Variants in TMIGD3 observed in about 807,000 individuals in gnomAD.
TMIGD3 encodes the protein transmembrane and immunoglobulin domain containing 3.
Under a neutral mutation model 28.1 loss-of-function variants are expected in TMIGD3, and 21 were observed. The observed-to-expected ratio is 0.75, with a 90% confidence interval of 0.53 to 1.08. TMIGD3 has a LOEUF of 1.08. TMIGD3 is among the 50% of genes least tolerant of loss of function. TMIGD3 has a pLI of 0.00. For missense variants in TMIGD3, 416 were observed against 435.6 expected (o/e 0.96, Z 0.40); for synonymous variants, 151 against 162.1 (o/e 0.93, Z 0.52).
At chr1:111,515,482 T>G (rs762835225) in intron 1 of TMIGD3, among the ~76,000 whole-genome samples, 8 of 152,128 alleles carry the variant, frequency 5.3e-5, no homozygotes, top group Non-Finnish European at 7.4e-5. Context: ...CCGATGGGAG[T>G]TGGGGACGCT....
chr1:111,500,805 A>C, intron 1 of TMIGD3: 1 of 550,038 alleles, frequency 1.8e-6, no homozygotes, highest in Non-Finnish European at 3.2e-6. Context: ...GACTTTTCTA[A>C]AGAAGAAAAC....
At chr1:111,504,549 G>A (rs1655408900), upstream of TMIGD3, among the ~76,000 whole-genome samples, 1 of 152,198 alleles carries the variant, frequency 6.6e-6, no homozygotes. Flanking sequence ...CATCCAAAGG[G>A]ATTATTTTAA....
At chr1:111,560,337 C>T (rs996908902) in intron 1 of TMIGD3, among the ~76,000 whole-genome samples, 1 of 151,870 alleles carries the variant, frequency 6.6e-6, no homozygotes, top group Non-Finnish European at 1.5e-5. Context: ...GTCCTGGTCT[C>T]ATTTATTGTT....
At chr1:111,485,580 A>G (rs1654322919) in intron 5 of TMIGD3, 160 bp downstream of exon 5, 1 of 580,422 alleles carries the variant, frequency 1.7e-6, no homozygotes, top group African/African-American at 1.9e-5. Context: ...CCTTGTCACC[A>G]TCAAGCAGAT....
At chr1:111,484,093 C>T (rs1245748516) in intron 5 of TMIGD3, among the ~76,000 whole-genome samples, 1 of 152,220 alleles carries the variant, frequency 6.6e-6, no homozygotes, top group African/African-American at 2.4e-5. Flanking sequence ...ACAGGCTGTA[C>T]AACTTCTTGC....
intron 1 of TMIGD3, among the ~76,000 whole-genome samples, chr1:111,517,300 C>T (rs1655902207): frequency 6.6e-6 from 1 of 151,586 alleles, no homozygotes; most frequent in Non-Finnish European, 1.5e-5. Context: ...TATGGCAATA[C>T]AGGGTGACTT....
intron 1 of TMIGD3, among the ~76,000 whole-genome samples, chr1:111,554,480 C>G (rs892615974): frequency 2.0e-5 from 3 of 152,206 alleles, no homozygotes; most frequent in African/African-American, 7.2e-5. Context: ...CACAGTAATC[C>G]AGAGCATTTG....
intron 5 of TMIGD3, among the ~76,000 whole-genome samples, chr1:111,484,854 A>G (rs781464033): frequency 1.3e-5 from 2 of 152,204 alleles, no homozygotes; most frequent in African/African-American, 2.4e-5. Context: ...GTGATTTCTG[A>G]GCATAAAAAG....
intron 1 of TMIGD3, among the ~76,000 whole-genome samples, chr1:111,534,965 A>G (rs1040454354): frequency 1.3e-5 from 2 of 152,204 alleles, no homozygotes; most frequent in Admixed American, 1.3e-4. Context: ...AAAGAGACAC[A>G]AAAGTTAGGG....
intron 1 of TMIGD3, among the ~76,000 whole-genome samples, chr1:111,545,848 G>A (rs1657015360): frequency 6.6e-6 from 1 of 152,072 alleles, no homozygotes; most frequent in Non-Finnish European, 1.5e-5. Flanking sequence ...TAGATATTCA[G>A]TTGTCCCAGC....
At chr1:111,563,936 G>T (rs746357986) in exon 1 of TMIGD3, 3 of 1,613,470 alleles carry the variant, frequency 1.9e-6, no homozygotes, top group Non-Finnish European at 2.5e-6. Context: ...AATGGGTCCT[G>T]CTGGAGACCC....
chr1:111,503,115 G>A lies in TMIGD3; in HGVS notation c.240C>T (p.Phe80=), dbSNP rs1655336014. Residue 80 remains phenylalanine, a synonymous_variant, in exon 1 of 6, where the codon TTC becomes TTT. Coordinates refer to ENST00000369716, the MANE Select transcript of TMIGD3 (RefSeq NM_020683.7). ...GGCAAGTCATAAAAAGGCAGCTGTA[G>A]AAGTGGATTGTGATGCCCAGGCTGA... ...IVVSLGITIH[F]YSCLFMTCLL... 6.2e-7 allele frequency: 1 copy of A among 1,614,096 alleles called. No homozygotes were observed. Among genetic ancestry groups the A allele is most frequent in the African/African-American group, 1.3e-5 (1 of 74,936 alleles).
intron 1 of TMIGD3, among the ~76,000 whole-genome samples, chr1:111,548,605 G>T (rs1319393205): frequency 6.6e-6 from 1 of 152,184 alleles, no homozygotes; most frequent in Non-Finnish European, 1.5e-5. Flanking sequence ...ATTGACTATT[G>T]TTTCTGCTGT....
At chr1:111,522,391 G>A (rs1343781163) in intron 1 of TMIGD3, among the ~76,000 whole-genome samples, 4 of 152,124 alleles carry the variant, frequency 2.6e-5, no homozygotes, top group Admixed American at 6.5e-5. Flanking sequence ...TACAATCTAC[G>A]AACACACACA....
At chr1:111,527,006 CTTTTTTTTTT>C (rs71580580) in intron 1 of TMIGD3, among the ~76,000 whole-genome samples, 2 of 87,732 alleles carry the variant, frequency 2.3e-5, no homozygotes, top group Non-Finnish European at 4.0e-5. Context: ...TCCTCAATGT[CTTTTTTTTTT>C]TTTTTTTTTT....
chr1:111,539,379 C>A (rs1236934208), intron 1 of TMIGD3, among the ~76,000 whole-genome samples: 1 of 152,154 alleles, frequency 6.6e-6, no homozygotes, highest in Non-Finnish European at 1.5e-5. Flanking sequence ...CTCACTGCAA[C>A]CTCCATCTCC....
chr1:111,508,321 C>G (rs993406502), upstream of TMIGD3, among the ~76,000 whole-genome samples: 1 of 152,210 alleles, frequency 6.6e-6, no homozygotes, highest in Non-Finnish European at 1.5e-5. Context: ...AGCACGGTAG[C>G]GTCAGCTTCA....
At chr1:111,506,428 C>G (rs1055347961), upstream of TMIGD3, among the ~76,000 whole-genome samples, 1 of 152,188 alleles carries the variant, frequency 6.6e-6, no homozygotes, top group African/African-American at 2.4e-5. Flanking sequence ...TCAATGCTCT[C>G]GAATGAAATA....
At chr1:111,485,048 G>C (rs1182016534) in intron 5 of TMIGD3, among the ~76,000 whole-genome samples, 1 of 152,206 alleles carries the variant, frequency 6.6e-6, no homozygotes, top group African/African-American at 2.4e-5. Context: ...TGGGCACACA[G>C]TCCCTTCTCT....
Sources: allele counts gnomAD v4.1 joint callset (sites outside exome capture counted in the v4.1 genomes callset), GRCh38; gene constraint gnomAD v4.1.1; transcripts MANE v1.5; gene names NCBI Gene and HGNC (gene_info 2026-07-23, HGNC 2026-07-21).